Variants in PUS10 observed in about 807,000 individuals in gnomAD.
The protein encoded by PUS10 is tRNA pseudouridine synthase Pus10.
In PUS10, 59 loss-of-function variants were observed where a neutral mutation model predicts 75.0. The ratio of observed to expected loss-of-function variants is 0.79; its 90% confidence interval spans 0.64 to 0.98. PUS10 has a LOEUF of 0.98. Ranked by LOEUF, PUS10 falls within the 50% of genes least tolerant of loss-of-function variation. The pLI is 0.00. For missense variants in PUS10, 650 were observed against 614.4 expected, an observed-to-expected ratio of 1.06 and a Z score of -0.61; for synonymous variants, 219 against 211.6, an observed-to-expected ratio of 1.03 and a Z score of -0.30.
intron 4 of PUS10, among the ~76,000 whole-genome samples, chr2:60,997,489 A>G (rs1425121140): frequency 6.6e-6 from 1 of 151,918 alleles, no homozygotes; most frequent in Non-Finnish European, 1.5e-5. Context: ...AGGCACCTGT[A>G]GTCCCAGCTA....
At position 60,940,839 on chromosome 2, in the gene PUS10, G is replaced by A. The variant is rs1674592509; in HGVS notation, c.*1556C>T. The A allele has an allele frequency of 6.6e-6, 1 of 152,176 alleles. No homozygotes were observed. The highest frequency in any genetic ancestry group is 2.1e-4 in the South Asian group (1 of 4,830). The allele number at this position is 152,176 out of a possible 1,614,324, so 9.4% of individuals were successfully genotyped here. A position where few individuals can be genotyped will look rare whatever the true frequency, so the allele number is the denominator to read the frequency against. ...TTGTTATCCTTTTCTCATTTTCTGG[G>A]CCTTTCAATGCATTGGCATTGACAA... On this transcript the variant is annotated 3_prime_UTR_variant, in exon 18 of 18. Coordinates refer to ENST00000316752, the MANE Select transcript of PUS10 (RefSeq NM_144709.4).
intron 4 of PUS10, among the ~76,000 whole-genome samples, chr2:61,001,764 T>C (rs778915266): frequency 2.6e-5 from 4 of 152,204 alleles, no homozygotes; most frequent in South Asian, 2.1e-4. Flanking sequence ...GAGGCAGAGA[T>C]AGAAAGAGAT....
chr2:60,953,129 T>C lies in PUS10; in HGVS notation c.1191-15A>G. 7.3e-7 allele frequency: 1 copy of C among 1,369,324 alleles called. No homozygotes were observed. The highest frequency in any genetic ancestry group is 1.0e-6 in the Non-Finnish European group (1 of 973,266). The allele number at this position is 1,369,324 out of a possible 1,614,324, so 84.8% of individuals were successfully genotyped here. A position where few individuals can be genotyped will look rare whatever the true frequency, so the allele number is the denominator to read the frequency against. On this transcript the variant is annotated splice_polypyrimidine_tract_variant and intron_variant, in intron 14 of 17. Transcript: ENST00000316752. ...CTATTGCCTCTCTAAACAAAAACAA[T>C]TTTTAGAAGTTTGTCCAAATAAACA...
intron 16 of PUS10, among the ~76,000 whole-genome samples, chr2:60,947,194 T>C (rs1028598152): frequency 6.6e-6 from 1 of 152,204 alleles, no homozygotes. Flanking sequence ...ACTAATGATA[T>C]GTCATCTGAA....
chr2:60,998,587 G>C (rs1371230605), intron 4 of PUS10, among the ~76,000 whole-genome samples: 1 of 152,122 alleles, frequency 6.6e-6, no homozygotes, highest in Non-Finnish European at 1.5e-5. Flanking sequence ...TACTCAGGGA[G>C]GCTGAAGCGG....
chr2:60,950,921 A>G (rs1226485329), intron 15 of PUS10, among the ~76,000 whole-genome samples: 2 of 152,092 alleles, frequency 1.3e-5, no homozygotes, highest in Non-Finnish European at 2.9e-5. Context: ...AGTCATTACC[A>G]TGTTGTTTTT....
intron 17 of PUS10, among the ~76,000 whole-genome samples, chr2:60,943,037 A>AG (rs151176314): frequency 2.7e-4 from 23 of 85,274 alleles, no homozygotes; most frequent in South Asian, 1.5e-3. Flanking sequence ...TCTATCTCAG[A>AG]AAAAAAAAAA....
At chr2:60,960,984 TAA>T (rs1038622225) in intron 10 of PUS10, among the ~76,000 whole-genome samples, 1 of 152,196 alleles carries the variant, frequency 6.6e-6, no homozygotes, top group Non-Finnish European at 1.5e-5. Context: ...GCTATTACTA[TAA>T]AACAGTTGTA....
chr2:60,979,118 CA>C (rs1361261174), intron 4 of PUS10, among the ~76,000 whole-genome samples: 1 of 50,750 alleles, frequency 2.0e-5, no homozygotes, highest in Admixed American at 1.9e-4. Flanking sequence ...TACACATACA[CA>C]TACACATACA....
chr2:60,948,406 T>C (rs1426998933), intron 15 of PUS10, among the ~76,000 whole-genome samples: 1 of 152,204 alleles, frequency 6.6e-6, no homozygotes, highest in Non-Finnish European at 1.5e-5. Flanking sequence ...TTGTATTTTT[T>C]TGATAGAGAT....
intron 4 of PUS10, among the ~76,000 whole-genome samples, chr2:60,993,563 T>C (rs1678253131): frequency 6.6e-6 from 1 of 152,156 alleles, no homozygotes; most frequent in Non-Finnish European, 1.5e-5. Context: ...AGGAGAAAGA[T>C]ACTCAGTTTT....
At chr2:60,990,937 G>C (rs1053839534) in intron 4 of PUS10, among the ~76,000 whole-genome samples, 1 of 152,104 alleles carries the variant, frequency 6.6e-6, no homozygotes, top group Non-Finnish European at 1.5e-5. Context: ...GTTGACATGA[G>C]GTCTTGTTAT....
intron 2 of PUS10, chr2:61,010,174 AGAT>A (rs531763002): frequency 2.2e-4 from 33 of 152,466 alleles, no homozygotes; most frequent in Non-Finnish European, 4.6e-4. Flanking sequence ...AACATATAAT[AGAT>A]AATAGGTTAC....
In PUS10 at chr2:60,954,212, T is replaced by A. The variant is rs896765782; in HGVS notation, c.1058-54A>T. 5 of 1,572,666 alleles carry A rather than the reference T, an allele frequency of 3.2e-6. No homozygotes were observed. The African/African-American group carries it at 6.8e-5, about 21-fold the overall frequency. ...GAAACGTGTTGATGGAGTTAACATT[T>A]GGGCTAATGCAAGAGGGTTAGGAGG... is the stretch of plus-strand genomic sequence containing the variant. On this transcript the variant is annotated intron_variant, in intron 12 of 17. Coordinates refer to ENST00000316752, the MANE Select transcript of PUS10 (RefSeq NM_144709.4).
chr2:60,971,595 G>A (rs759861653), intron 4 of PUS10, 38 bp from the exon 5 acceptor site: 3 of 1,596,122 alleles, frequency 1.9e-6, no homozygotes, highest in African/African-American at 2.7e-5. Flanking sequence ...AGAGAAAAGG[G>A]GGAAACATGT....
At chr2:60,994,876 G>C (rs1353749734) in intron 4 of PUS10, among the ~76,000 whole-genome samples, 1 of 152,214 alleles carries the variant, frequency 6.6e-6, no homozygotes, top group Non-Finnish European at 1.5e-5. Context: ...ATCACCTGAG[G>C]TCAGGAGTTT....
At chr2:60,964,545 G>T (rs1222689579) in intron 8 of PUS10, among the ~76,000 whole-genome samples, 1 of 152,182 alleles carries the variant, frequency 6.6e-6, no homozygotes, top group East Asian at 1.9e-4. Flanking sequence ...AGATGATAAA[G>T]AAGAGTTTGA....
intron 4 of PUS10, among the ~76,000 whole-genome samples, chr2:60,998,238 T>A (rs1678608215): frequency 6.6e-6 from 1 of 152,198 alleles, no homozygotes; most frequent in Non-Finnish European, 1.5e-5. Context: ...GAGGCCTCTG[T>A]AAACACATAC....
At chr2:60,984,831 A>C (rs1159048461) in intron 4 of PUS10, among the ~76,000 whole-genome samples, 5 of 152,208 alleles carry the variant, frequency 3.3e-5, no homozygotes, top group Non-Finnish European at 7.3e-5. Flanking sequence ...TCACTAAAGC[A>C]AACAAACCCA....
Sources: allele counts gnomAD v4.1 joint callset (sites outside exome capture counted in the v4.1 genomes callset), GRCh38; gene constraint gnomAD v4.1.1; transcripts MANE v1.5; gene names NCBI Gene and HGNC (gene_info 2026-07-23, HGNC 2026-07-21).